Variants in FAM227B observed in about 807,000 individuals in gnomAD.
The protein encoded by FAM227B is family with sequence similarity 227 member B, also known as protein FAM227B.
Under a neutral mutation model 73.8 loss-of-function variants are expected in FAM227B, and 88 were observed. The ratio of observed to expected loss-of-function variants is 1.19; its 90% CI spans 1.00 to 1.42. The LOEUF is 1.42. FAM227B is among the 40% of genes most tolerant of loss of function. The pLI is 0.00. For synonymous variants in FAM227B, 210 were observed against 190.5 expected, an observed-to-expected ratio of 1.10 and a Z score of -0.84; for missense variants, 632 against 590.9, an observed-to-expected ratio of 1.07 and a Z score of -0.72.
chr15:49,618,648 G>C (rs1376801180), intron 1 of FAM227B, among the ~76,000 whole-genome samples: 1 of 152,162 alleles, frequency 6.6e-6, no homozygotes, highest in East Asian at 1.9e-4. Flanking sequence ...GAGGTAGAGA[G>C]GGAATGTTCA....
chr15:49,482,816 G>A (rs2056069512), intron 11 of FAM227B, among the ~76,000 whole-genome samples: 1 of 151,654 alleles, frequency 6.6e-6, no homozygotes, highest in African/African-American at 2.4e-5. Flanking sequence ...CTTGGCATGT[G>A]GTATGAGTTC....
intron 11 of FAM227B, among the ~76,000 whole-genome samples, chr15:49,445,254 T>C (rs2052080404): frequency 6.6e-6 from 1 of 151,656 alleles, no homozygotes; most frequent in African/African-American, 2.4e-5. Flanking sequence ...TAGTTAAGTT[T>C]TCAACCCTTG....
intron 15 of FAM227B, chr15:49,328,947 C>T: frequency 2.7e-6 from 3 of 1,111,864 alleles, no homozygotes; most frequent in Non-Finnish European, 3.3e-6. Context: ...CTTCTATTCA[C>T]ATTGAAATAA....
chr15:49,383,322 G>A (rs2046663394), intron 11 of FAM227B, among the ~76,000 whole-genome samples: 1 of 151,940 alleles, frequency 6.6e-6, no homozygotes, highest in African/African-American at 2.4e-5. Flanking sequence ...GAGCAAGTCT[G>A]TTGTTGCCAT....
At chr15:49,588,580 TATATATATATATATATATATAA>T (rs1216266991) in intron 4 of FAM227B, among the ~76,000 whole-genome samples, 1 of 121,938 alleles carries the variant, frequency 8.2e-6, no homozygotes, top group East Asian at 2.6e-4. Context: ...TATATATATA[TATATATATATATATATATATAA>T]AATTACCTTT....
chr15:49,479,599 G>GTTTTTTTGTTTTTTTTTT (rs2055712240), intron 11 of FAM227B, among the ~76,000 whole-genome samples: 2 of 63,322 alleles, frequency 3.2e-5, no homozygotes, highest in African/African-American at 1.3e-4. Context: ...TAATACCTCT[G>GTTTTTTTGTTTTTTTTTT]TTTTTTTTTT....
intron 10 of FAM227B, among the ~76,000 whole-genome samples, chr15:49,530,754 G>A (rs931634594): frequency 6.6e-6 from 1 of 151,524 alleles, no homozygotes; most frequent in Non-Finnish European, 1.5e-5. Context: ...ATATATGTTA[G>A]ACAAAAAAGA....
At chr15:49,444,902 C>A (rs1413432145) in intron 11 of FAM227B, among the ~76,000 whole-genome samples, 4 of 151,532 alleles carry the variant, frequency 2.6e-5, no homozygotes, top group Non-Finnish European at 4.4e-5. Context: ...TATCACATCT[C>A]AGAATACTGG....
intron 13 of FAM227B, among the ~76,000 whole-genome samples, chr15:49,341,775 T>C (rs1310517079): frequency 6.6e-6 from 1 of 152,228 alleles, no homozygotes; most frequent in Non-Finnish European, 1.5e-5. Flanking sequence ...TAAATATTTT[T>C]TTCCTTTCTG....
At chr15:49,608,723 T>C (rs1480293916) in intron 3 of FAM227B, among the ~76,000 whole-genome samples, 1 of 152,040 alleles carries the variant, frequency 6.6e-6, no homozygotes, top group African/African-American at 2.4e-5. Flanking sequence ...AGAAAAATCA[T>C]ATCATGGAGT....
chr15:49,357,941 A>G (rs1035405676), intron 13 of FAM227B, among the ~76,000 whole-genome samples: 2 of 152,026 alleles, frequency 1.3e-5, no homozygotes, highest in Non-Finnish European at 2.9e-5. Context: ...ATATACACAA[A>G]TCAATAAATG....
chr15:49,389,488 G>T (rs978913974), intron 11 of FAM227B, among the ~76,000 whole-genome samples: 4 of 151,872 alleles, frequency 2.6e-5, no homozygotes. Context: ...TCAGAGCCGG[G>T]AGGGTGAGAG....
chr15:49,375,873 AGG>A (rs1486341859), intron 11 of FAM227B, among the ~76,000 whole-genome samples: 1 of 152,106 alleles, frequency 6.6e-6, no homozygotes, highest in East Asian at 1.9e-4. Flanking sequence ...TAAAATTAGA[AGG>A]AATTGAGACT....
At chr15:49,453,274 T>C (rs764335995) in intron 11 of FAM227B, among the ~76,000 whole-genome samples, 1 of 152,096 alleles carries the variant, frequency 6.6e-6, no homozygotes, top group Non-Finnish European at 1.5e-5. Flanking sequence ...TTCATTATTA[T>C]TATTTTTTAT....
At chr15:49,503,733 C>T (rs28841970) in intron 11 of FAM227B, among the ~76,000 whole-genome samples, 41,864 of 151,912 alleles carry the variant, frequency 0.28, 5,985 homozygotes, top group East Asian at 0.38. Flanking sequence ...GAGATACCAT[C>T]TCACACCAGT....
intron 11 of FAM227B, among the ~76,000 whole-genome samples, chr15:49,386,539 C>T (rs1388380130): frequency 1.3e-5 from 2 of 151,802 alleles, no homozygotes; most frequent in Non-Finnish European, 2.9e-5. Context: ...TAAATGCCTA[C>T]ATCAAGAAGT....
chr15:49,577,810 T>C, intron 5 of FAM227B, 146 bp from the exon 6 acceptor site: 3 of 485,788 alleles, frequency 6.2e-6, no homozygotes, highest in Middle Eastern at 5.7e-4. Flanking sequence ...TATTGCTGTG[T>C]TTGATATTGG....
At chr15:49,493,442 T>C (rs2057297438) in intron 11 of FAM227B, among the ~76,000 whole-genome samples, 1 of 152,008 alleles carries the variant, frequency 6.6e-6, no homozygotes, top group African/African-American at 2.4e-5. Context: ...TCCTTGTGTC[T>C]CTGGGATTTG....
At chr15:49,395,197 T>A (rs1244877702) in intron 11 of FAM227B, among the ~76,000 whole-genome samples, 1 of 152,216 alleles carries the variant, frequency 6.6e-6, no homozygotes, top group African/African-American at 2.4e-5. Context: ...TGGTAAATAG[T>A]TACATGGTAT....
Sources: allele counts gnomAD v4.1 joint callset (sites outside exome capture counted in the v4.1 genomes callset), GRCh38; gene constraint gnomAD v4.1.1; transcripts MANE v1.5; gene names NCBI Gene and HGNC (gene_info 2026-07-23, HGNC 2026-07-21).